Variants in COL6A3 observed in about 807,000 individuals in gnomAD.
COL6A3 encodes collagen type VI alpha 3 chain.
In COL6A3, 137 loss-of-function variants were observed where a neutral mutation model predicts 274.1. The observed-to-expected ratio is 0.50, with a 90% CI of 0.44 to 0.58. The LOEUF (loss-of-function observed/expected upper bound fraction) is 0.58, where lower values mean the gene tolerates loss of function less well. COL6A3 is among the 20% of genes least tolerant of loss of function. The pLI is 0.00. For synonymous variants in COL6A3, 1,650 were observed against 1,650.6 expected, an observed-to-expected ratio of 1.00 and a Z score of 0.01; for missense variants, 3,950 against 4,124.9, an observed-to-expected ratio of 0.96 and a Z score of 1.16.
At position 237,366,885 on chromosome 2, in the gene COL6A3, G is replaced by A. The variant is rs1216525305; in HGVS notation, c.5302C>T (p.Gln1768Ter). Reference sequence around the variant, plus strand: ...ACAGCAAACACTTTGACCCCCCTCTGGGTGAGGGCCAGGCTCACATCCTGT... The same window carrying A: ...ACAGCAAACACTTTGACCCCCCTCTAGGTGAGGGCCAGGCTCACATCCTGT... ...DAQDVSLALT[Q>*]RGVKVFAVGV... Residue 1768 changes from glutamine (Q) to a stop codon, truncating the protein, a stop_gained, in exon 11 of 44, where the codon CAG becomes TAG. Coordinates refer to ENST00000295550, the MANE Select transcript of COL6A3 (RefSeq NM_004369.4). LOFTEE classifies it high-confidence loss of function. The A allele has an allele frequency of 6.2e-7, 1 of 1,614,216 alleles. No homozygotes were observed. Among genetic ancestry groups the A allele is most frequent in the Admixed American group, 1.7e-5 (1 of 60,030 alleles).
At chr2:237,384,332 G>A (rs1288483027) in intron 4 of COL6A3, among the ~76,000 whole-genome samples, 1 of 152,068 alleles carries the variant, frequency 6.6e-6, no homozygotes, top group Non-Finnish European at 1.5e-5. Context: ...TGGCTCTGCA[G>A]GGCCTGACTT....
At chr2:237,345,269 A>G (rs2077075186) in intron 32 of COL6A3, 56 bp from the exon 33 acceptor site, 8 of 1,576,486 alleles carry the variant, frequency 5.1e-6, no homozygotes, top group African/African-American at 2.7e-5. Context: ...ATTCGAATAA[A>G]CAGGCTTTGG....
At chr2:237,404,819 T>C (rs2078681366) in intron 1 of COL6A3, among the ~76,000 whole-genome samples, 1 of 152,162 alleles carries the variant, frequency 6.6e-6, no homozygotes, top group Non-Finnish European at 1.5e-5. Context: ...ACAATCTAAA[T>C]AGTTACAAAA....
intron 1 of COL6A3, among the ~76,000 whole-genome samples, chr2:237,400,044 T>C (rs1031131369): frequency 4.6e-5 from 7 of 152,234 alleles, no homozygotes; most frequent in African/African-American, 1.7e-4. Context: ...AATTATTTGA[T>C]ATTGGAAATG....
At position 237,341,165 on chromosome 2, in the gene COL6A3, G is replaced by T; in HGVS notation, c.7766-15C>A. The T allele has an allele frequency of 6.2e-7, 1 of 1,611,722 alleles. No individual in the cohort carries two copies. The highest frequency in any genetic ancestry group is 1.1e-5 in the South Asian group (1 of 91,034). On this transcript the variant is annotated splice_polypyrimidine_tract_variant and intron_variant, in intron 37 of 43. Transcript: ENST00000295550. ...GTTGCAGATGTCTAGAAAGAAGCAT[G>T]GCAGCCTATTTGTTCTGTGACACCC...
chr2:237,356,510 G>A (rs369624143), intron 23 of COL6A3, among the ~76,000 whole-genome samples: 3 of 152,190 alleles, frequency 2.0e-5, no homozygotes, highest in East Asian at 3.9e-4. Context: ...TCACCCCAGC[G>A]AACTCTACTG....
chr2:237,372,144 G>C lies in COL6A3; in HGVS notation c.3873C>G (p.Ser1291Arg), dbSNP rs868768490. Residue 1291 changes from serine to arginine, a missense_variant, in exon 9 of 44, where the codon AGC becomes AGG. By Grantham distance (110) the Ser-to-Arg change is moderately radical (BLOSUM62 -1). Transcript: ENST00000295550. ...GCACCGCGTTCTGCACTTCATCCTTGCTGGAATGGGCGTTCAGCAGGAACT... is the reference window on the plus strand; with the variant it reads ...GCACCGCGTTCTGCACTTCATCCTTCCTGGAATGGGCGTTCAGCAGGAACT... ...KVEFLLNAHS[S>R]KDEVQNAVQR... 6.2e-7 allele frequency: 1 copy of C among 1,613,986 alleles called. No homozygotes were observed. The highest frequency in any genetic ancestry group is 8.5e-7 in the Non-Finnish European group (1 of 1,180,054).
At chr2:237,338,884 C>A in intron 39 of COL6A3, 131 bp downstream of exon 39, 2 of 701,602 alleles carry the variant, frequency 2.9e-6, no homozygotes, top group Non-Finnish European at 5.0e-6. Context: ...GAAGCATGAC[C>A]CACATTACCT....
intron 1 of COL6A3, among the ~76,000 whole-genome samples, chr2:237,410,392 A>G (rs1442050135): frequency 1.3e-5 from 2 of 151,020 alleles, no homozygotes; most frequent in South Asian, 2.1e-4. Flanking sequence ...TGCAGCCTCA[A>G]CCTCCCAGGC....
chr2:237,387,344 G>A (rs527543952), intron 4 of COL6A3, among the ~76,000 whole-genome samples: 8 of 152,136 alleles, frequency 5.3e-5, no homozygotes, highest in Admixed American at 4.6e-4. Flanking sequence ...TTAAAAGCAC[G>A]CTTTCTCAGC....
chr2:237,391,674 A>T (rs1329784912), intron 3 of COL6A3, among the ~76,000 whole-genome samples: 4 of 152,056 alleles, frequency 2.6e-5, no homozygotes, highest in Non-Finnish European at 5.9e-5. Flanking sequence ...ACAGACGCCC[A>T]CCACCACACC....
At position 237,364,860 on chromosome 2, in the gene COL6A3, C is replaced by T. The variant is rs564184631; in HGVS notation, c.5839-432G>A. The stretch of plus-strand genomic sequence containing the variant: ...GTGTGGGTGTACATGTGTGTGGGTG[C>T]GTATGTGTGTGCATGTGTATGGGTG... On this transcript the variant is annotated intron_variant, in intron 12 of 43. Transcript: ENST00000295550. This position sits in a 1 kb window ranked among gnomAD's most constrained non-coding sequence, Gnocchi z 4.6. Among the ~76,000 whole-genome samples, 2 of 141,318 alleles carry T rather than the reference C, an allele frequency of 1.4e-5. No individual in the cohort carries two copies. The highest frequency in any genetic ancestry group is 5.3e-5 in the African/African-American group (2 of 37,448). The allele number at this position is 141,318 out of a possible 152,430, so 92.7% of individuals were successfully genotyped here.
At chr2:237,385,931 A>G (rs2078133964) in intron 4 of COL6A3, among the ~76,000 whole-genome samples, 1 of 152,254 alleles carries the variant, frequency 6.6e-6, no homozygotes, top group Non-Finnish European at 1.5e-5. Flanking sequence ...GGAAAACTGT[A>G]TGCAGCAAAA....
chr2:237,346,431 G>A, intron 32 of COL6A3, 72 bp downstream of exon 32: 2 of 1,304,652 alleles, frequency 1.5e-6, no homozygotes, highest in South Asian at 2.4e-5. Context: ...AGCAGATGGT[G>A]GGAAGTTTTC....
chr2:237,337,068 A>T (rs1574933264), intron 39 of COL6A3, among the ~76,000 whole-genome samples: 1 of 152,058 alleles, frequency 6.6e-6, no homozygotes, highest in South Asian at 2.1e-4. Flanking sequence ...TTTTTTTACA[A>T]TTTCTTGATC....
At chr2:237,363,520 A>G (rs2077484453) in intron 13 of COL6A3, 122 bp from the exon 14 acceptor site, 2 of 1,130,016 alleles carry the variant, frequency 1.8e-6, no homozygotes, top group Middle Eastern at 2.1e-4. Context: ...ACTTAAATAT[A>G]TTTAATCAAG....
chr2:237,381,051 G>T lies in COL6A3; in HGVS notation c.1761C>A (p.Ala587=). The change falls in exon 5 of 44, where the codon GCC becomes GCA. Residue 587 remains alanine, a synonymous_variant. Transcript: ENST00000295550. Reference sequence around the variant, plus strand: ...CGATCTCTTCCAGCTCAGCCTGATCGGCACCCTTGTTCCCAATGGCAAAGG... The same window carrying T: ...CGATCTCTTCCAGCTCAGCCTGATCTGCACCCTTGTTCCCAATGGCAAAGG... ...IMAFAIGNKG[A]DQAELEEIAF... 1 of 1,614,188 alleles carries T rather than the reference G, an allele frequency of 6.2e-7. No homozygotes were observed. Among genetic ancestry groups the T allele is most frequent in the African/African-American group, 1.3e-5 (1 of 75,062 alleles).
Position 237,340,652 on chromosome 2 carries a change from G to C in COL6A3, c.8264C>G (p.Ala2755Gly), listed in dbSNP as rs770586429. Residue 2755 changes from alanine (A) to glycine (G), a missense_variant, in exon 38 of 44, where the codon GCC (alanine) becomes GGC (glycine). Ala to Gly is a moderately conservative substitution (Grantham distance 60). This residue lies in a region of COL6A3 where 1,284 missense variants were observed against 1,349.7 expected (regional missense o/e 0.95). Transcript: ENST00000295550. Reference sequence around the variant, plus strand: ...TTTGGCCTGCAGGATGACTCTCTGGGCCTCCTCCAGCTGCTGCTCCGGCAC... The same window carrying C: ...TTTGGCCTGCAGGATGACTCTCTGGCCCTCCTCCAGCTGCTGCTCCGGCAC... Reference protein sequence around the residue: ...GEVPEQQLEEAQRVILQAKCK... With the variant: ...GEVPEQQLEEGQRVILQAKCK... The C allele has an allele frequency of 1.2e-6, 2 of 1,614,200 alleles. No homozygotes were observed. Among genetic ancestry groups the C allele is most frequent in the South Asian group, 1.1e-5 (1 of 91,078 alleles).
At chr2:237,325,766 C>A (rs761497079) in intron 42 of COL6A3, 42 bp from the exon 43 acceptor site, 3 of 1,563,922 alleles carry the variant, frequency 1.9e-6, no homozygotes, top group Admixed American at 1.7e-5. Flanking sequence ...TGAGAACATG[C>A]GTGTTACTCG....
Sources: gnomAD v4.1 joint callset for allele counts (sites outside exome capture counted in the v4.1 genomes callset) on GRCh38, gnomAD v4.1.1 for gene constraint, gnomAD v4.1.1 regional missense constraint, Gnocchi (gnomAD v3.1) non-coding constraint, MANE v1.5 for transcripts, NCBI Gene and HGNC (gene_info 2026-07-23, HGNC 2026-07-21) for gene names.